FIGN: variants seen among roughly 807,000 people sequenced by gnomAD.
The protein encoded by FIGN is fidgetin, microtubule severing factor.
FIGN carries 11 observed loss-of-function variants against 51.3 expected under a neutral mutation model. That is an observed-to-expected ratio of 0.21 (90% confidence interval 0.13 to 0.35). FIGN has a LOEUF of 0.35. FIGN is among the 10% of genes least tolerant of loss of function. The pLI is 1.00. For synonymous variants in FIGN, 407 were observed against 363.2 expected (o/e 1.12, Z -1.37); for missense variants, 857 against 943.6 (o/e 0.91, Z 1.20).
chr2:163,679,554 C>T (rs951447890), intron 2 of FIGN, among the ~76,000 whole-genome samples: 7 of 152,028 alleles, frequency 4.6e-5, no homozygotes, highest in Non-Finnish European at 7.4e-5. Context: ...TTAAAGTATA[C>T]CAGCTTTAGT....
intron 2 of FIGN, among the ~76,000 whole-genome samples, chr2:163,650,152 T>A (rs1219631898): frequency 6.6e-6 from 1 of 151,874 alleles, no homozygotes; most frequent in Non-Finnish European, 1.5e-5. Context: ...TAAAAAAAAA[T>A]AGAATAGATG....
At chr2:163,730,174 A>T (rs1684903265) in intron 2 of FIGN, among the ~76,000 whole-genome samples, 8 of 152,218 alleles carry the variant, frequency 5.3e-5, no homozygotes, top group Admixed American at 5.2e-4. Flanking sequence ...TATTTTGAGT[A>T]TATTCTTTCA....
chr2:163,622,526 GA>G, intron 2 of FIGN, among the ~76,000 whole-genome samples: 1 of 151,808 alleles, frequency 6.6e-6, no homozygotes, highest in Non-Finnish European at 1.5e-5. Context: ...AGAAGACGGG[GA>G]TATTTTTCAG....
intron 2 of FIGN, among the ~76,000 whole-genome samples, chr2:163,652,199 C>G (rs578054924): frequency 3.3e-5 from 5 of 152,200 alleles, no homozygotes; most frequent in Non-Finnish European, 7.4e-5. Flanking sequence ...ATAATCTTGT[C>G]ACAAATTCCA....
At chr2:163,686,828 T>C (rs1460662) in intron 2 of FIGN, among the ~76,000 whole-genome samples, 84,904 of 149,996 alleles carry the variant, frequency 0.57, 26,450 homozygotes, top group Admixed American at 0.69. Context: ...GTGATAAGTG[T>C]TGCCAAAATT....
intron 2 of FIGN, among the ~76,000 whole-genome samples, chr2:163,668,785 C>CAA (rs972202199): frequency 6.6e-6 from 1 of 151,498 alleles, no homozygotes; most frequent in Non-Finnish European, 1.5e-5. Flanking sequence ...CTAAAAAATA[C>CAA]AAAAAATTAG....
At chr2:163,648,569 T>A (rs1467687708) in intron 2 of FIGN, among the ~76,000 whole-genome samples, 1 of 152,236 alleles carries the variant, frequency 6.6e-6, no homozygotes, top group African/African-American at 2.4e-5. Flanking sequence ...ATTTAGAGCA[T>A]GAGTGCGTTT....
chr2:163,667,338 C>CAAA (rs397952314), intron 2 of FIGN, among the ~76,000 whole-genome samples: 12,342 of 127,268 alleles, frequency 0.097, 579 homozygotes, highest in Admixed American at 0.13. Flanking sequence ...ACTATCCCCA[C>CAAA]AAAAAAAAAA....
intron 2 of FIGN, among the ~76,000 whole-genome samples, chr2:163,615,033 C>T (rs1682848288): frequency 6.6e-6 from 1 of 151,922 alleles, no homozygotes; most frequent in Admixed American, 6.6e-5. Context: ...CGTAAGATTT[C>T]TTTTTTACCT....
intron 2 of FIGN, among the ~76,000 whole-genome samples, chr2:163,632,183 T>C (rs1242966690): frequency 6.6e-6 from 1 of 152,154 alleles, no homozygotes; most frequent in Non-Finnish European, 1.5e-5. Context: ...ATATTTAAGG[T>C]ATTTAAAAAG....
intron 2 of FIGN, among the ~76,000 whole-genome samples, chr2:163,684,844 G>A (rs186870555): frequency 9.1e-4 from 139 of 151,920 alleles, no homozygotes; most frequent in Middle Eastern, 6.8e-3. Flanking sequence ...GCGTGATCTC[G>A]GCTCACTGCA....
In FIGN at chr2:163,630,127, A is replaced by G. The variant is rs150773247; in HGVS notation, c.26-18321T>C. Among the ~76,000 whole-genome samples the G allele has an allele frequency of 7.2e-3, 1,098 of 151,724 alleles. 7 individuals are homozygous for G. Among genetic ancestry groups the G allele is most frequent in the Non-Finnish European group, 0.012 (784 of 67,882 alleles). ...AGACAGGCACATGCTACCCATGCCT[A>G]GCAAACTTTTTTATTTTTTGTAGAA... On this transcript the variant is annotated intron_variant, in intron 2 of 2. Transcript: ENST00000333129.
chr2:163,609,419 T>G lies in FIGN; in HGVS notation c.*133A>C. 1.3e-6 allele frequency: 1 copy of G among 747,742 alleles called. No homozygotes were observed. Among genetic ancestry groups the G allele is most frequent in the Non-Finnish European group, 2.1e-6 (1 of 473,288 alleles). The allele number at this position is 747,742 out of a possible 1,614,324, so 46.3% of individuals were successfully genotyped here. A position where few individuals can be genotyped will look rare whatever the true frequency, so the allele number is the denominator to read the frequency against. Reference sequence around the variant, plus strand: ...TCCAAATCTACCCTGACTCTAAAGATGCAACTTAATCGTCATCTTCCCCAG... The same window carrying G: ...TCCAAATCTACCCTGACTCTAAAGAGGCAACTTAATCGTCATCTTCCCCAG... On this transcript the variant is annotated 3_prime_UTR_variant, in exon 3 of 3. Transcript: ENST00000333129.
At chr2:163,703,146 AAG>A (rs1389413377) in intron 2 of FIGN, among the ~76,000 whole-genome samples, 3 of 152,092 alleles carry the variant, frequency 2.0e-5, no homozygotes, top group African/African-American at 4.8e-5. Context: ...ATAAAGAAAA[AAG>A]AGTTTTCTAA....
intron 2 of FIGN, among the ~76,000 whole-genome samples, chr2:163,650,668 A>T (rs1683459157): frequency 6.7e-6 from 1 of 150,368 alleles, no homozygotes; most frequent in Non-Finnish European, 1.5e-5. Context: ...TCTGATTTTT[A>T]TGTATTTTTT....
intron 2 of FIGN, among the ~76,000 whole-genome samples, chr2:163,652,608 C>T (rs954785490): frequency 6.6e-6 from 1 of 152,044 alleles, no homozygotes; most frequent in Non-Finnish European, 1.5e-5. Flanking sequence ...CTTAGGTTAA[C>T]CAGCATATGT....
chr2:163,675,297 C>G (rs1340591349), intron 2 of FIGN, among the ~76,000 whole-genome samples: 1 of 152,196 alleles, frequency 6.6e-6, no homozygotes, highest in Non-Finnish European at 1.5e-5. Flanking sequence ...AGATCTGACA[C>G]ACAGATCATG....
At chr2:163,719,067 T>G (rs549521176) in intron 2 of FIGN, among the ~76,000 whole-genome samples, 2 of 152,144 alleles carry the variant, frequency 1.3e-5, no homozygotes, top group African/African-American at 4.8e-5. Flanking sequence ...GTTAAGGTGT[T>G]TTTTAGGCAG....
At chr2:163,681,037 T>C (rs1464472695) in intron 2 of FIGN, among the ~76,000 whole-genome samples, 1 of 152,210 alleles carries the variant, frequency 6.6e-6, no homozygotes, top group Admixed American at 6.5e-5. Context: ...TACGATCACT[T>C]CACAGAAAAT....
Sources: allele counts gnomAD v4.1 joint callset (sites outside exome capture counted in the v4.1 genomes callset), GRCh38; gene constraint gnomAD v4.1.1; transcripts MANE v1.5; gene names NCBI Gene and HGNC (gene_info 2026-07-23, HGNC 2026-07-21).